NBPF15: variants seen among roughly 807,000 people sequenced by gnomAD.
The protein encoded by NBPF15 is NBPF family member NBPF15.
Under a neutral mutation model 62.2 loss-of-function variants are expected in NBPF15, and 74 were observed. The observed-to-expected ratio is 1.19, with a 90% CI of 0.99 to 1.44. The LOEUF (loss-of-function observed/expected upper bound fraction) is 1.44, where lower values mean the gene tolerates loss of function less well. NBPF15 is among the 40% of genes most tolerant of loss of function. NBPF15 has a pLI of 0.00. For synonymous variants in NBPF15, 244 were observed against 209.7 expected (o/e 1.16, Z -1.41); for missense variants, 790 against 550.0 (o/e 1.44, Z -4.36).
chr1:144,423,725 T>C, intron 21 of NBPF15, 145 bp downstream of exon 21: 1 of 682,008 alleles, frequency 1.5e-6, no homozygotes, highest in South Asian at 1.7e-5. Context: ...CCTAAACATC[T>C]ACTGCAATGA....
intron 6 of NBPF15, among the ~76,000 whole-genome samples, chr1:144,445,399 G>A (rs1286354364): frequency 1.4e-5 from 2 of 141,750 alleles, no homozygotes; most frequent in African/African-American, 5.1e-5. Context: ...GTGTGTGTGT[G>A]TATACATATA....
intron 1 of NBPF15, 140 bp downstream of exon 1, chr1:144,461,241 A>G (rs1419293041): frequency 1.3e-5 from 2 of 152,042 alleles, no homozygotes; most frequent in East Asian, 1.9e-4. Flanking sequence ...GAGGAATCCA[A>G]CGCATGGAAC....
chr1:144,451,510 C>G (rs12083872), intron 4 of NBPF15, among the ~76,000 whole-genome samples: 1 of 151,850 alleles, frequency 6.6e-6, no homozygotes, highest in Non-Finnish European at 1.5e-5. Context: ...TTCAGACTAT[C>G]ACATGGGGAG....
In NBPF15 at chr1:144,456,486, G is replaced by T. The variant is rs587613025; in HGVS notation, c.-432+51C>A. 180 of 1,162,216 alleles carry T rather than the reference G, an allele frequency of 1.5e-4. 2 individuals carry two copies. In the Middle Eastern group the frequency reaches 3.9e-3, roughly 25 times the overall value. 72.0% of individuals were successfully genotyped at this position (1,162,216 alleles called of 1,614,324 possible). The stretch of plus-strand genomic sequence containing the variant: ...TTCCCTTCACATCTGAGTCATAATA[G>T]AAAAAGGACTCTCTGACTCCATCGA... On this transcript the variant is annotated intron_variant, in intron 4 of 21. Coordinates refer to ENST00000581897, the MANE Select transcript of NBPF15 (RefSeq NM_001385408.1).
intron 6 of NBPF15, among the ~76,000 whole-genome samples, chr1:144,444,191 C>T (rs1470763177): frequency 6.6e-6 from 1 of 150,472 alleles, no homozygotes; most frequent in Admixed American, 6.6e-5. Flanking sequence ...CCATACGTGG[C>T]AGGCCAGGTC....
At chr1:144,424,059 G>C in intron 20 of NBPF15, 84 bp from the exon 21 acceptor site, 1 of 758,222 alleles carries the variant, frequency 1.3e-6, no homozygotes, top group South Asian at 1.4e-5. Context: ...CTCACACAGG[G>C]ACCTCAGGCT....
chr1:144,440,934 C>T (rs1682479472), intron 6 of NBPF15, among the ~76,000 whole-genome samples: 2 of 151,720 alleles, frequency 1.3e-5, no homozygotes, highest in South Asian at 2.1e-4. Context: ...TCCCAAAGTG[C>T]TGGGATTACA....
chr1:144,460,638 A>G lies in NBPF15; in HGVS notation c.-819+205T>C, dbSNP rs581732. On this transcript the variant is annotated intron_variant, in intron 2 of 21. Transcript: ENST00000581897. ...AACAACACTGTAACCCAAAGAAAAG[A>G]TACCACTGCAAGAAAAGACTTCTTT... 1.7e-4 allele frequency among the ~76,000 whole-genome samples: 25 copies of G among 151,006 alleles called. 1 individual carries two copies. Among genetic ancestry groups the G allele is most frequent in the African/African-American group, 3.2e-4 (13 of 41,130 alleles).
intron 4 of NBPF15, among the ~76,000 whole-genome samples, chr1:144,451,145 C>G (rs1375035116): frequency 4.6e-5 from 7 of 151,616 alleles, no homozygotes; most frequent in African/African-American, 1.7e-4. Context: ...AGAAGATCAG[C>G]AGGTAAACAC....
chr1:144,429,477 G>A (rs1571115925), intron 14 of NBPF15, among the ~76,000 whole-genome samples: 2 of 150,542 alleles, frequency 1.3e-5, no homozygotes, highest in African/African-American at 2.5e-5. Flanking sequence ...GTCCAGGTTG[G>A]CACGGGCATG....
intron 13 of NBPF15, among the ~76,000 whole-genome samples, chr1:144,433,063 C>G (rs1481086868): frequency 6.6e-6 from 1 of 151,976 alleles, no homozygotes; most frequent in East Asian, 1.9e-4. Context: ...AGGTAAAGCA[C>G]TCGTCAGCAA....
intron 9 of NBPF15, among the ~76,000 whole-genome samples, chr1:144,437,336 T>A (rs1345310455): frequency 6.6e-6 from 1 of 151,558 alleles, no homozygotes; most frequent in Non-Finnish European, 1.5e-5. Context: ...GTTCCATTCA[T>A]CTTTCTCTTC....
Position 144,422,829 on chromosome 1 carries a change from G to A in NBPF15, c.*184C>T, listed in dbSNP as rs540534958. The A allele has an allele frequency of 1.3e-4, 187 of 1,443,656 alleles. 6 individuals carry two copies. In the African/African-American group the frequency reaches 2.1e-3, roughly 16 times the overall value. The allele number at this position is 1,443,656 out of a possible 1,614,324, so 89.4% of individuals were successfully genotyped here. A position where few individuals can be genotyped will look rare whatever the true frequency, so the allele number is the denominator to read the frequency against. ...TATGTGAACGTGTCACACCTAACAT[G>A]GGTCCATTGTCTTCAGATTGAGCAC... On this transcript the variant is annotated 3_prime_UTR_variant, in exon 22 of 22. Coordinates refer to ENST00000581897, the MANE Select transcript of NBPF15 (RefSeq NM_001385408.1).
At chr1:144,457,340 G>A (rs1407832890) in intron 3 of NBPF15, among the ~76,000 whole-genome samples, 5 of 151,898 alleles carry the variant, frequency 3.3e-5, no homozygotes, top group Admixed American at 6.6e-5. Context: ...ATCTGTACAC[G>A]TATATTCTAC....
intron 3 of NBPF15, among the ~76,000 whole-genome samples, chr1:144,457,657 A>T (rs1388148368): frequency 3.3e-5 from 5 of 152,006 alleles, no homozygotes; most frequent in South Asian, 2.1e-4. Flanking sequence ...CAAAATCTCA[A>T]ATTTCCAGGA....
intron 6 of NBPF15, among the ~76,000 whole-genome samples, chr1:144,447,509 C>G (rs1385057709): frequency 2.6e-5 from 4 of 151,880 alleles, no homozygotes; most frequent in East Asian, 1.9e-4. Context: ...AACCTAACTA[C>G]AAGTGTGCAC....
At chr1:144,428,331 T>A (rs1171246844) in intron 15 of NBPF15, among the ~76,000 whole-genome samples, 1 of 151,824 alleles carries the variant, frequency 6.6e-6, no homozygotes, top group Non-Finnish European at 1.5e-5. Context: ...TCCTCAATAA[T>A]TTTGCATAAA....
intron 12 of NBPF15, among the ~76,000 whole-genome samples, chr1:144,434,621 G>T (rs1317046950): frequency 6.7e-6 from 1 of 150,230 alleles, no homozygotes; most frequent in East Asian, 2.0e-4. Flanking sequence ...GCAAAGTAAA[G>T]AAGAAAAGTT....
In NBPF15 at chr1:144,428,073, A is replaced by G. The variant is rs1671143656; in HGVS notation, c.1041-83T>C. On this transcript the variant is annotated intron_variant, in intron 15 of 21. Coordinates refer to ENST00000581897, the MANE Select transcript of NBPF15 (RefSeq NM_001385408.1). ...CCAGCTAGATTTCATGGCTAACATA[A>G]GGAAGAGTTTGAAAAGAAAAAGGAC... is the stretch of plus-strand genomic sequence containing the variant. 5.2e-6 allele frequency: 4 copies of G among 775,744 alleles called. No individual in the cohort carries two copies. In the Admixed American group the frequency reaches 7.1e-5, roughly 14 times the overall value. The allele number at this position is 775,744 out of a possible 1,614,324, so 48.1% of individuals were successfully genotyped here. A position where few individuals can be genotyped will look rare whatever the true frequency, so the allele number is the denominator to read the frequency against.
Sources: gnomAD v4.1 joint callset for allele counts (sites outside exome capture counted in the v4.1 genomes callset) on GRCh38, gnomAD v4.1.1 for gene constraint, MANE v1.5 for transcripts, NCBI Gene and HGNC (gene_info 2026-07-23, HGNC 2026-07-21) for gene names.